Variants in EYS observed in about 807,000 individuals in gnomAD.
EYS encodes protein eyes shut homolog.
In EYS, 250 loss-of-function variants were observed where a neutral mutation model predicts 282.1. The observed-to-expected ratio is 0.89, with a 90% CI of 0.80 to 0.98. The LOEUF (loss-of-function observed/expected upper bound fraction) is 0.98, where lower values mean the gene tolerates loss of function less well. Among genes scored for constraint, EYS ranks in the 50% least tolerant of loss-of-function variants. EYS has a pLI of 0.00. For missense variants in EYS, 4,016 were observed against 3,709.0 expected, an observed-to-expected ratio of 1.08 and a Z score of -2.15; for synonymous variants, 1,355 against 1,282.9, an observed-to-expected ratio of 1.06 and a Z score of -1.20.
At chr6:64,337,279 A>T (rs542553211) in intron 29 of EYS, among the ~76,000 whole-genome samples, 1 of 152,198 alleles carries the variant, frequency 6.6e-6, no homozygotes, top group East Asian at 1.9e-4. Flanking sequence ...TAACCTCATT[A>T]AGAAAAGAAA....
chr6:63,991,375 T>G (rs564029362), intron 34 of EYS, among the ~76,000 whole-genome samples: 27 of 151,650 alleles, frequency 1.8e-4, no homozygotes, highest in African/African-American at 6.3e-4. Flanking sequence ...AAAATAGATC[T>G]CCAGGAGACA....
intron 2 of EYS, among the ~76,000 whole-genome samples, chr6:65,516,343 C>G (rs1270982827): frequency 1.3e-5 from 2 of 152,018 alleles, no homozygotes; most frequent in African/African-American, 2.4e-5. Context: ...TAGACAAAGA[C>G]CACTGCTAAT....
At chr6:64,689,335 T>C (rs1770281898) in intron 22 of EYS, among the ~76,000 whole-genome samples, 4 of 152,022 alleles carry the variant, frequency 2.6e-5, no homozygotes. Context: ...CACAAACAAA[T>C]GGAAGAACAT....
At position 63,979,950 on chromosome 6, in the gene EYS, C is replaced by T. The variant is rs528758379; in HGVS notation, c.7055+4433G>A. On this transcript the variant is annotated intron_variant, in intron 35 of 42. Transcript: ENST00000503581. Reference sequence around the variant, plus strand: ...TGTTACTTTCCTTAATACTTTTCAACATGAAATTTGTCTTCTTGTAAGCAG... The same window carrying T: ...TGTTACTTTCCTTAATACTTTTCAATATGAAATTTGTCTTCTTGTAAGCAG... Among the ~76,000 whole-genome samples the T allele has an allele frequency of 2.6e-5, 4 of 152,028 alleles. No homozygotes were observed. The South Asian group carries it at 8.3e-4, about 31-fold the overall frequency.
chr6:64,183,359 C>A (rs1764844465), intron 31 of EYS, among the ~76,000 whole-genome samples: 1 of 152,132 alleles, frequency 6.6e-6, no homozygotes, highest in African/African-American at 2.4e-5. Context: ...ATGTGTGTGC[C>A]CTTCTCTATC....
chr6:65,630,055 G>C (rs1233094613), intron 2 of EYS, among the ~76,000 whole-genome samples: 1 of 152,200 alleles, frequency 6.6e-6, no homozygotes, highest in Non-Finnish European at 1.5e-5. Flanking sequence ...CCTAGGAAGT[G>C]AAATTAGGGT....
At chr6:64,180,833 G>A (rs767061194) in intron 31 of EYS, among the ~76,000 whole-genome samples, 1 of 152,024 alleles carries the variant, frequency 6.6e-6, no homozygotes, top group Non-Finnish European at 1.5e-5. Context: ...TAGATTTGAG[G>A]ATACATATGC....
At chr6:64,545,551 T>TATTTCCTTTAGGAA (rs1411861913) in intron 26 of EYS, among the ~76,000 whole-genome samples, 22 of 152,172 alleles carry the variant, frequency 1.4e-4, no homozygotes, top group African/African-American at 4.8e-4. Flanking sequence ...AAATAAAGGG[T>TATTTCCTTTAGGAA]ATTCAGTTAG....
At chr6:65,539,181 T>A (rs1477843187) in intron 2 of EYS, among the ~76,000 whole-genome samples, 1 of 152,212 alleles carries the variant, frequency 6.6e-6, no homozygotes, top group Non-Finnish European at 1.5e-5. Flanking sequence ...CACAAAAATA[T>A]GCATCATTGC....
At chr6:64,482,038 C>G (rs1174945091) in intron 26 of EYS, among the ~76,000 whole-genome samples, 2 of 151,732 alleles carry the variant, frequency 1.3e-5, no homozygotes, top group African/African-American at 4.8e-5. Context: ...CAGCCCTATT[C>G]TAATGTTACC....
intron 32 of EYS, among the ~76,000 whole-genome samples, chr6:64,072,120 TAA>T (rs1444724578): frequency 6.6e-6 from 1 of 151,894 alleles, no homozygotes; most frequent in Admixed American, 6.6e-5. Flanking sequence ...AAAAATAGAT[TAA>T]GTCAATATTG....
chr6:65,034,714 C>G (rs1772712851), intron 13 of EYS, among the ~76,000 whole-genome samples: 1 of 151,986 alleles, frequency 6.6e-6, no homozygotes, highest in African/African-American at 2.4e-5. Context: ...TAATTGTGAG[C>G]TAGTTAAACT....
chr6:64,911,088 G>A (rs1222280381), intron 16 of EYS, among the ~76,000 whole-genome samples: 1 of 151,964 alleles, frequency 6.6e-6, no homozygotes, highest in Non-Finnish European at 1.5e-5. Flanking sequence ...GTAGTAGAAT[G>A]TTTAGAATTG....
intron 5 of EYS, among the ~76,000 whole-genome samples, chr6:65,419,899 A>G (rs932227685): frequency 6.6e-6 from 1 of 151,978 alleles, no homozygotes; most frequent in African/African-American, 2.4e-5. Flanking sequence ...TTATGTTTAC[A>G]CTATATTATA....
chr6:64,564,268 C>CCT (rs1765490550), intron 26 of EYS, among the ~76,000 whole-genome samples: 1 of 59,374 alleles, frequency 1.7e-5, no homozygotes, highest in South Asian at 9.9e-4. Flanking sequence ...ATCTTTTGTC[C>CCT]TTTTTTTTTT....
In EYS at chr6:63,742,849, G is replaced by T. The variant is rs1769113262; in HGVS notation, c.8072-16169C>A. Among the ~76,000 whole-genome samples the T allele has an allele frequency of 2.0e-5, 3 of 152,108 alleles. No homozygotes were observed. In the South Asian group the frequency reaches 6.2e-4, roughly 31 times the overall value. On this transcript the variant is annotated intron_variant, in intron 41 of 42. Coordinates refer to ENST00000503581, the MANE Select transcript of EYS (RefSeq NM_001142800.2). ...AGTATTCCATGGGACAATTCTATAA[G>T]ATTTGATTAACCATTCATCCATTGA...
chr6:64,419,621 T>C (rs1007606667), intron 28 of EYS, among the ~76,000 whole-genome samples: 1 of 152,058 alleles, frequency 6.6e-6, no homozygotes, highest in Non-Finnish European at 1.5e-5. Flanking sequence ...CTGGGAGAAA[T>C]TGGCCTACCA....
At chr6:64,064,694 T>C (rs1253399784) in intron 33 of EYS, among the ~76,000 whole-genome samples, 2 of 152,204 alleles carry the variant, frequency 1.3e-5, no homozygotes, top group Non-Finnish European at 2.9e-5. Flanking sequence ...TATTAAGTTA[T>C]TACTTAAAAG....
intron 30 of EYS, among the ~76,000 whole-genome samples, chr6:64,233,835 C>G (rs1374466283): frequency 6.6e-6 from 1 of 152,132 alleles, no homozygotes; most frequent in Non-Finnish European, 1.5e-5. Context: ...TTGGGGAACT[C>G]TAGTTGGAAC....
Sources: gnomAD v4.1 joint callset for allele counts (sites outside exome capture counted in the v4.1 genomes callset) on GRCh38, gnomAD v4.1.1 for gene constraint, MANE v1.5 for transcripts, NCBI Gene and HGNC (gene_info 2026-07-23, HGNC 2026-07-21) for gene names.